The following STX5 variants were observed in gnomAD, a reference collection of about 807,000 sequenced individuals.
STX5 encodes syntaxin-5.
STX5 carries 15 observed loss-of-function variants against 42.9 expected under a neutral mutation model. The observed-to-expected ratio is 0.35, with a 90% CI of 0.23 to 0.54. The LOEUF (loss-of-function observed/expected upper bound fraction) is 0.54. Ranked by LOEUF, STX5 falls within the 20% of genes least tolerant of loss-of-function variation. STX5 has a pLI of 0.91. For synonymous variants in STX5, 184 were observed against 173.2 expected, an observed-to-expected ratio of 1.06 and a Z score of -0.49; for missense variants, 430 against 455.0, an observed-to-expected ratio of 0.95 and a Z score of 0.50.
rs75925836 is a variant in STX5, at chr11:62,825,886, A to G, written c.424-347T>C. 2.9e-3 allele frequency among the ~76,000 whole-genome samples: 439 copies of G among 152,334 alleles called. 16 individuals are homozygous for G. The East Asian group carries it at 0.069, about 24-fold the overall frequency. ...AAATCTCGGGTCTAGGGCATGACCA[A>G]CAAAGCCCCCGGACAGTACTCAGGA... On this transcript the variant is annotated intron_variant, in intron 5 of 10. Coordinates refer to ENST00000294179, the MANE Select transcript of STX5 (RefSeq NM_003164.5).
chr11:62,820,782 T>A (rs1232147483), intron 10 of STX5, among the ~76,000 whole-genome samples: 2 of 151,914 alleles, frequency 1.3e-5, no homozygotes, highest in African/African-American at 2.4e-5. Context: ...AGTGTTGGGA[T>A]TACAGGCGTG....
chr11:62,812,090 T>TC (rs2084623335), intron 10 of STX5, among the ~76,000 whole-genome samples: 1 of 150,590 alleles, frequency 6.6e-6, no homozygotes, highest in Non-Finnish European at 1.5e-5. Flanking sequence ...TTTTTTTTTT[T>TC]TTTTGAGATG....
chr11:62,824,130 A>T (rs1368324794), intron 10 of STX5, 36 bp downstream of exon 10: 1 of 1,613,912 alleles, frequency 6.2e-7, no homozygotes. Context: ...GGGGAAGAGA[A>T]AGCTCCTCTG....
At chr11:62,813,166 C>T (rs1445569339) in intron 10 of STX5, among the ~76,000 whole-genome samples, 4 of 150,118 alleles carry the variant, frequency 2.7e-5, no homozygotes, top group African/African-American at 4.9e-5. Flanking sequence ...CCCAGCTACT[C>T]GGGAGGCTGA....
rs758607483 is a variant in STX5 at position 62,825,545 on chromosome 11, A to T, written c.424-6T>A. On this transcript the variant is annotated splice_region_variant and splice_polypyrimidine_tract_variant and intron_variant, in intron 5 of 10. Coordinates refer to ENST00000294179, the MANE Select transcript of STX5 (RefSeq NM_003164.5). Reference sequence around the variant, plus strand: ...TTGTTGAGGCTATTGATGTCCTGGTAAAAGAGTCCAAGGAAAAACAAAGTA... The same window carrying T: ...TTGTTGAGGCTATTGATGTCCTGGTTAAAGAGTCCAAGGAAAAACAAAGTA... 1.9e-6 allele frequency: 3 copies of T among 1,612,670 alleles called. No homozygotes were observed. The East Asian group carries it at 6.7e-5, about 36-fold the overall frequency.
intron 5 of STX5, 58 bp from the exon 6 acceptor site, chr11:62,825,597 C>G: frequency 6.8e-7 from 1 of 1,465,694 alleles, no homozygotes. Flanking sequence ...TAGTCAGCAT[C>G]TCTCACGATG....
chr11:62,814,574 G>A (rs2134819016), intron 10 of STX5, among the ~76,000 whole-genome samples: 1 of 150,782 alleles, frequency 6.6e-6, no homozygotes, highest in East Asian at 1.9e-4. Flanking sequence ...AGATTCTCCT[G>A]CCTCAGCATG....
chr11:62,830,276 C>CA, intron 2 of STX5: 1 of 205,790 alleles, frequency 4.9e-6, no homozygotes, highest in Non-Finnish European at 1.0e-5. Context: ...GCTGGAATTA[C>CA]AGGTATGAGC....
intron 2 of STX5, among the ~76,000 whole-genome samples, chr11:62,827,958 T>G (rs1468336421): frequency 4.6e-5 from 7 of 151,152 alleles, no homozygotes; most frequent in Non-Finnish European, 8.8e-5. Context: ...GGCTGAAAAG[T>G]ACTTCAGTCA....
At chr11:62,809,414 C>T (rs2084590783) in intron 10 of STX5, among the ~76,000 whole-genome samples, 2 of 151,694 alleles carry the variant, frequency 1.3e-5, no homozygotes, top group South Asian at 4.2e-4. Context: ...GTGGCTCACA[C>T]CTGTAATCCC....
At chr11:62,823,153 A>C (rs1373775137) in intron 10 of STX5, among the ~76,000 whole-genome samples, 2 of 150,460 alleles carry the variant, frequency 1.3e-5, no homozygotes, top group Non-Finnish European at 3.0e-5. Context: ...CCTACCACAC[A>C]ATCTGATATA....
At chr11:62,821,200 C>T (rs1340256780) in intron 10 of STX5, among the ~76,000 whole-genome samples, 3 of 151,758 alleles carry the variant, frequency 2.0e-5, no homozygotes, top group Non-Finnish European at 2.9e-5. Flanking sequence ...CCCAACTACT[C>T]GGGAGGCTCA....
In STX5 at chr11:62,831,969, TGCC is replaced by T. The variant is rs995807138; in HGVS notation, c.-38_-36del. The stretch of plus-strand genomic sequence containing the variant: ...CGAATCTTACCTCCCCTCTGCCGCC[TGCC>T]GCCGCCGCCACTTCCAATCTCACCG... On this transcript the variant is annotated 5_prime_UTR_variant, in exon 1 of 11. Coordinates refer to ENST00000294179, the MANE Select transcript of STX5 (RefSeq NM_003164.5). 5 of 460,802 alleles carry T rather than the reference TGCC, an allele frequency of 1.1e-5. No homozygotes were observed. Among genetic ancestry groups the T allele is most frequent in the Non-Finnish European group, 2.2e-5 (5 of 230,808 alleles). The allele number at this position is 460,802 out of a possible 1,614,324, so 28.5% of individuals were successfully genotyped here. A position where few individuals can be genotyped will look rare whatever the true frequency, so the allele number is the denominator to read the frequency against.
Position 62,831,222 on chromosome 11 carries a change from C to G in STX5, c.22G>C (p.Gly8Arg). 1 of 1,563,340 alleles carries G rather than the reference C, an allele frequency of 6.4e-7. No individual in the cohort carries two copies. The highest frequency in any genetic ancestry group is 1.2e-5 in the South Asian group (1 of 85,140). The change falls in exon 2 of 11, where the codon GGG becomes CGG. Residue 8 changes from glycine to arginine, a missense_variant. Physicochemically the swap from Gly to Arg is moderately radical, Grantham distance 125. Transcript: ENST00000294179. ...ACACCCTGATCCGTGTTCTTAGACCCGTAGCGTTTCCGCGGGATCATTGAG... is the reference window on the plus strand; with the variant it reads ...ACACCCTGATCCGTGTTCTTAGACCGGTAGCGTTTCCGCGGGATCATTGAG... Reference protein sequence around the residue: MIPRKRYGSKNTDQGVYL... With the variant: MIPRKRYRSKNTDQGVYL...
intron 10 of STX5, among the ~76,000 whole-genome samples, chr11:62,813,421 G>A (rs2084640013): frequency 6.6e-6 from 1 of 152,150 alleles, no homozygotes; most frequent in Non-Finnish European, 1.5e-5. Context: ...AAACCTGGAT[G>A]CTCATCAGAA....
chr11:62,819,821 G>A (rs1236990903), intron 10 of STX5, among the ~76,000 whole-genome samples: 1 of 151,230 alleles, frequency 6.6e-6, no homozygotes, highest in East Asian at 2.0e-4. Flanking sequence ...TGGCTCCTGA[G>A]TAGTTGGGAT....
At chr11:62,829,652 T>C (rs2084834033) in intron 2 of STX5, among the ~76,000 whole-genome samples, 1 of 151,954 alleles carries the variant, frequency 6.6e-6, no homozygotes, top group Admixed American at 6.6e-5. Context: ...TAATCCCAGC[T>C]ACTGAGGAGC....
intron 2 of STX5, among the ~76,000 whole-genome samples, chr11:62,828,877 G>A (rs1396981547): frequency 6.6e-6 from 1 of 151,816 alleles, no homozygotes; most frequent in Non-Finnish European, 1.5e-5. Context: ...CCATCCTGGC[G>A]AACACAGTGA....
chr11:62,823,243 T>C (rs762551852), intron 10 of STX5, among the ~76,000 whole-genome samples: 1 of 152,030 alleles, frequency 6.6e-6, no homozygotes, highest in Admixed American at 6.6e-5. Context: ...GGTTCCATCA[T>C]GGCTCACTGC....
Sources: gnomAD v4.1 joint callset for allele counts (sites outside exome capture counted in the v4.1 genomes callset) on GRCh38, gnomAD v4.1.1 for gene constraint, MANE v1.5 for transcripts, NCBI Gene and HGNC (gene_info 2026-07-23, HGNC 2026-07-21) for gene names.